HNRNPM: variants seen among roughly 807,000 people sequenced by gnomAD.
HNRNPM encodes CEA receptor.
In HNRNPM, 11 loss-of-function variants were observed where a neutral mutation model predicts 73.1. The observed-to-expected ratio is 0.15, with a 90% confidence interval of 0.09 to 0.25. The LOEUF (loss-of-function observed/expected upper bound fraction) is 0.25. Among genes scored for constraint, HNRNPM ranks in the 10% least tolerant of loss-of-function variants. The probability of loss-of-function intolerance (pLI) is 1.00; values close to 1 mark genes in which losing one functional copy is unlikely to be tolerated. For synonymous variants in HNRNPM, 407 were observed against 355.2 expected, an observed-to-expected ratio of 1.15 and a Z score of -1.64; for missense variants, 789 against 1,067.9, an observed-to-expected ratio of 0.74 and a Z score of 3.64.
chr19:8,481,767 C>A (rs993413346), intron 12 of HNRNPM, among the ~76,000 whole-genome samples: 1 of 152,128 alleles, frequency 6.6e-6, no homozygotes, highest in African/African-American at 2.4e-5. Flanking sequence ...CAAGCTTGGT[C>A]TAGGTGCTGG....
At chr19:8,455,685 C>T in intron 2 of HNRNPM, 111 bp downstream of exon 2, 2 of 741,212 alleles carry the variant, frequency 2.7e-6, no homozygotes, top group South Asian at 2.0e-5. Context: ...AGAGCATGTT[C>T]TTTCCAGGCT....
At chr19:8,476,314 CTG>C (rs1970501524) in intron 12 of HNRNPM, among the ~76,000 whole-genome samples, 2 of 152,148 alleles carry the variant, frequency 1.3e-5, no homozygotes, top group African/African-American at 2.4e-5. Flanking sequence ...TGCAAGGAAA[CTG>C]TACATCACAC....
chr19:8,477,044 C>T (rs1470605863), intron 12 of HNRNPM, among the ~76,000 whole-genome samples: 1 of 152,168 alleles, frequency 6.6e-6, no homozygotes, highest in Non-Finnish European at 1.5e-5. Context: ...GCTGCCACAT[C>T]TCTAATGGAA....
At chr19:8,463,874 A>G (rs549813652) in intron 5 of HNRNPM, 188 bp downstream of exon 5, 51 of 566,318 alleles carry the variant, frequency 9.0e-5, no homozygotes, top group Admixed American at 2.5e-4. Context: ...GGTGGTGGCC[A>G]AGCAGATCCT....
intron 5 of HNRNPM, chr19:8,463,964 G>C (rs928002138): frequency 5.6e-6 from 2 of 355,008 alleles, no homozygotes; most frequent in South Asian, 4.2e-5. Context: ...CCATGAGCCC[G>C]TGGGTTTGTG....
Position 8,455,591 on chromosome 19 carries a change from T to C in HNRNPM, c.283+17T>C, listed in dbSNP as rs747580677. 1.9e-6 allele frequency: 3 copies of C among 1,602,956 alleles called. No individual in the cohort carries two copies. Among genetic ancestry groups the C allele is most frequent in the Non-Finnish European group, 2.6e-6 (3 of 1,172,218 alleles). ...AAGAAAAAGGTAATGGTACTGGTGA[T>C]TGAGTAGGGTGAGAAGGTTGGTGTG... On this transcript the variant is annotated intron_variant, in intron 2 of 15. Transcript: ENST00000325495.
intron 1 of HNRNPM, among the ~76,000 whole-genome samples, chr19:8,450,142 G>C (rs1482348464): frequency 6.6e-6 from 1 of 152,196 alleles, no homozygotes; most frequent in Non-Finnish European, 1.5e-5. Context: ...ACATGCATTA[G>C]AGCAGCGCAG....
chr19:8,449,142 G>C (rs1471382051), intron 1 of HNRNPM, among the ~76,000 whole-genome samples: 1 of 152,232 alleles, frequency 6.6e-6, no homozygotes, highest in Admixed American at 6.6e-5. Flanking sequence ...TTGGAGACAC[G>C]TCAGATTGTG....
intron 1 of HNRNPM, among the ~76,000 whole-genome samples, chr19:8,450,735 T>G (rs200358539): frequency 6.7e-6 from 1 of 148,398 alleles, no homozygotes; most frequent in Non-Finnish European, 1.5e-5. Context: ...TTATTTTTTT[T>G]TTTTTTGAGA....
rs545456651 is a variant in HNRNPM at position 8,462,130 on chromosome 19, G to A, written c.284-399G>A. 3.1e-5 allele frequency: 6 copies of A among 196,032 alleles called. No homozygotes were observed. The South Asian group carries it at 4.0e-4, about 13-fold the overall frequency. 12.1% of individuals were successfully genotyped at this position (196,032 alleles called of 1,614,324 possible). A position where few individuals can be genotyped will look rare whatever the true frequency, so the allele number is the denominator to read the frequency against. On this transcript the variant is annotated intron_variant, in intron 2 of 15. Transcript: ENST00000325495. This position sits in a 1 kb window ranked among gnomAD's most constrained non-coding sequence, Gnocchi z 4.5. ...CATGTGAGCTCAGCCCGATGGCATCGCAATTTGTATGCATTTCACCTGCTT... is the reference window on the plus strand; with the variant it reads ...CATGTGAGCTCAGCCCGATGGCATCACAATTTGTATGCATTTCACCTGCTT...
intron 1 of HNRNPM, among the ~76,000 whole-genome samples, chr19:8,448,076 TG>T (rs1157180848): frequency 6.6e-6 from 1 of 152,188 alleles, no homozygotes; most frequent in African/African-American, 2.4e-5. Context: ...GTTTTAAGGT[TG>T]GAGCACTGGC....
At chr19:8,463,958 G>T (rs1212545192) in intron 5 of HNRNPM, 1 of 370,872 alleles carries the variant, frequency 2.7e-6, no homozygotes, top group Non-Finnish European at 5.0e-6. Flanking sequence ...CTCAAACCAT[G>T]AGCCCGTGGG....
rs1429027957 is a variant in HNRNPM, at chr19:8,485,027, GGT to G, written c.1175-569_1175-568del. Reference sequence around the variant, plus strand: ...TGCATTTGTACACAGAGGATCTCTCGGTGTGTGTTTTTTTGACCTCTGCTTGA... The same window carrying G: ...TGCATTTGTACACAGAGGATCTCTCGGTGTGTTTTTTTGACCTCTGCTTGA... On this transcript the variant is annotated intron_variant, in intron 13 of 15. Coordinates refer to ENST00000325495, the MANE Select transcript of HNRNPM (RefSeq NM_005968.5). 2.6e-5 allele frequency among the ~76,000 whole-genome samples: 4 copies of G among 152,074 alleles called. No individual in the cohort carries two copies. In the East Asian group the frequency reaches 7.8e-4, roughly 29 times the overall value.
chr19:8,486,282 C>T lies in HNRNPM; in HGVS notation c.1854C>T (p.Ser618=). Reference sequence around the variant, plus strand: ...CCATGGGTGGCGGTGGCGGTGCCAGCTTTGACCGTGCCATCGAGATGGAGC... The same window carrying T: ...CCATGGGTGGCGGTGGCGGTGCCAGTTTTGACCGTGCCATCGAGATGGAGC... ...GLAMGGGGGA[S]FDRAIEMERG... is the part of the protein sequence containing the mutation. The change falls in exon 14 of 16, where the codon AGC becomes AGT. Residue 618 remains serine, a synonymous_variant. Transcript: ENST00000325495. 1 of 1,601,330 alleles carries T rather than the reference C, an allele frequency of 6.2e-7. No individual in the cohort carries two copies. Among genetic ancestry groups the T allele is most frequent in the Non-Finnish European group, 8.5e-7 (1 of 1,179,880 alleles).
At chr19:8,459,023 G>A (rs1006705556) in intron 2 of HNRNPM, among the ~76,000 whole-genome samples, 3 of 152,150 alleles carry the variant, frequency 2.0e-5, no homozygotes, top group Non-Finnish European at 2.9e-5. Context: ...TGCCCCCTGG[G>A]TTCAAGTGAT....
intron 9 of HNRNPM, among the ~76,000 whole-genome samples, chr19:8,470,150 T>G (rs1439727424): frequency 6.6e-6 from 1 of 152,240 alleles, no homozygotes; most frequent in Non-Finnish European, 1.5e-5. Context: ...TCCCGGCCAT[T>G]TCGGAGGCTT....
rs766817014 is a variant in HNRNPM at position 8,486,106 on chromosome 19, G to A, written c.1678G>A (p.Ala560Thr). 15 of 1,606,166 alleles carry A rather than the reference G, an allele frequency of 9.3e-6. No homozygotes were observed. The highest frequency in any genetic ancestry group is 4.5e-5 in the East Asian group (2 of 44,804). ...RMATGLERMG[A>T]NNLERMGLER... ...GGCCACCGGCCTGGAGCGCATGGGC[G>A]CCAACAATCTGGAGCGGATGGGCCT... Residue 560 changes from alanine to threonine, a missense_variant, in exon 14 of 16, where the codon GCC (alanine) becomes ACC (threonine). Ala to Thr is a moderately conservative substitution (Grantham distance 58). This residue lies in a region of HNRNPM where 604 missense variants were observed against 744.0 expected (regional missense o/e 0.81). Coordinates refer to ENST00000325495, the MANE Select transcript of HNRNPM (RefSeq NM_005968.5).
chr19:8,467,515 A>G lies in HNRNPM; in HGVS notation c.785-20A>G, dbSNP rs1364798399. On this transcript the variant is annotated intron_variant, in intron 7 of 15. Coordinates refer to ENST00000325495, the MANE Select transcript of HNRNPM (RefSeq NM_005968.5). The stretch of plus-strand genomic sequence containing the variant: ...GCACATTTTTAGAATTGCAAGAAAT[A>G]GCCTTAATTGTAATACCAGCTATGT... 6.3e-7 allele frequency: 1 copy of G among 1,598,606 alleles called. No homozygotes were observed. The highest frequency in any genetic ancestry group is 1.3e-5 in the African/African-American group (1 of 74,602).
In HNRNPM at chr19:8,463,642, C is replaced by T; in HGVS notation, c.394C>T (p.Leu132=). 6.2e-7 allele frequency: 1 copy of T among 1,613,972 alleles called. No homozygotes were observed. Among genetic ancestry groups the T allele is most frequent in the Non-Finnish European group, 8.5e-7 (1 of 1,179,864 alleles). Residue 132 remains leucine (L), a synonymous_variant, in exon 5 of 16, where the codon CTA becomes TTA. Transcript: ENST00000325495. ...EESMKKAAEV[L]NKHSLSGRPL... ...GAGCATGAAAAAAGCTGCGGAAGTCCTAAACAAGCATAGTCTGAGCGGAAG... is the reference window on the plus strand; with the variant it reads ...GAGCATGAAAAAAGCTGCGGAAGTCTTAAACAAGCATAGTCTGAGCGGAAG...
Sources: allele counts gnomAD v4.1 joint callset (sites outside exome capture counted in the v4.1 genomes callset), GRCh38; gene constraint gnomAD v4.1.1; regional missense constraint gnomAD v4.1.1; non-coding constraint Gnocchi (gnomAD v3.1); transcripts MANE v1.5; gene names NCBI Gene and HGNC (gene_info 2026-07-23, HGNC 2026-07-21).